The following CACNG8 variants were observed in gnomAD, a reference collection of about 807,000 sequenced individuals.
CACNG8 encodes voltage-dependent calcium channel gamma-8 subunit.
CACNG8 carries 5 observed loss-of-function variants against 26.9 expected under a neutral mutation model. The observed-to-expected ratio is 0.19, with a 90% CI of 0.10 to 0.39. The LOEUF (loss-of-function observed/expected upper bound fraction) is 0.39. CACNG8 is among the 10% of genes least tolerant of loss of function. The pLI, the probability that CACNG8 is intolerant of heterozygous loss-of-function variation, is 1.00. For synonymous variants in CACNG8, 321 were observed against 296.7 expected (o/e 1.08, Z -0.84); for missense variants, 473 against 609.4 (o/e 0.78, Z 2.36).
At chr19:53,970,008 C>T (rs1490247004) in intron 1 of CACNG8, among the ~76,000 whole-genome samples, 2 of 149,542 alleles carry the variant, frequency 1.3e-5, no homozygotes, top group Non-Finnish European at 3.0e-5. Flanking sequence ...GTGGCAAGCG[C>T]CTGTAACCCC....
rs574291162 is a variant in CACNG8, at chr19:53,965,424, G to A, written c.283+1999G>A. ...CCATTCCTCCCACGGCTCTCGTGAT[G>A]TTCTTTGCCTCTCCTGTGGAAGTTT... On this transcript the variant is annotated intron_variant, in intron 1 of 3. Coordinates refer to ENST00000270458, the MANE Select transcript of CACNG8 (RefSeq NM_031895.6). Among the ~76,000 whole-genome samples, 8 of 152,060 alleles carry A rather than the reference G, an allele frequency of 5.3e-5. No individual in the cohort carries two copies. The South Asian group carries it at 1.7e-3, about 32-fold the overall frequency.
At chr19:53,971,869 G>A (rs2069304245) in intron 1 of CACNG8, among the ~76,000 whole-genome samples, 1 of 152,184 alleles carries the variant, frequency 6.6e-6, no homozygotes, top group Non-Finnish European at 1.5e-5. Context: ...TGCATGCCCG[G>A]GTCTGCGCTA....
chr19:53,969,717 T>G (rs1347718896), intron 1 of CACNG8, among the ~76,000 whole-genome samples: 1 of 152,206 alleles, frequency 6.6e-6, no homozygotes, highest in Non-Finnish European at 1.5e-5. Context: ...ACCCTTGGGC[T>G]CAATCTCCAT....
At chr19:53,980,047 T>A (rs2069355094) in intron 3 of CACNG8, 40 bp downstream of exon 3, 1 of 1,562,060 alleles carries the variant, frequency 6.4e-7, no homozygotes, top group South Asian at 1.2e-5. Context: ...GCGGCCCACC[T>A]GGGCGCGCAC....
At position 53,982,762 on chromosome 19, in the gene CACNG8, GC is replaced by G; in HGVS notation, c.1194del (p.Ser399LeufsTer61). ...CCCCGCCCGCGCCCGCGCCACCCGC[GC>G]CCTCTGCGCCCGCCCCCGGGACCCT... On this transcript the variant is annotated frameshift_variant, in exon 4 of 4. Transcript: ENST00000270458. LOFTEE classifies it high-confidence loss of function. This position sits in a 1 kb window ranked among gnomAD's most constrained non-coding sequence, Gnocchi z 8.4. 8.0e-7 allele frequency: 1 copy of G among 1,244,990 alleles called. No homozygotes were observed. The highest frequency in any genetic ancestry group is 1.0e-6 in the Non-Finnish European group (1 of 995,390). The allele number at this position is 1,244,990 out of a possible 1,614,324, so 77.1% of individuals were successfully genotyped here.
intron 1 of CACNG8, among the ~76,000 whole-genome samples, chr19:53,972,363 T>TC (rs1555814926): frequency 1.4e-5 from 2 of 138,028 alleles, no homozygotes; most frequent in East Asian, 2.1e-4. Context: ...CTTCTTTTCT[T>TC]TTTTTTTTTT....
intron 1 of CACNG8, among the ~76,000 whole-genome samples, chr19:53,965,466 A>G (rs2069267129): frequency 6.7e-6 from 1 of 149,986 alleles, no homozygotes; most frequent in Admixed American, 6.7e-5. Flanking sequence ...ATGTCCATTC[A>G]CTGGTCTGAC....
chr19:53,975,266 T>C (rs2069324216), intron 1 of CACNG8, among the ~76,000 whole-genome samples: 1 of 152,180 alleles, frequency 6.6e-6, no homozygotes, highest in Non-Finnish European at 1.5e-5. Context: ...TTATTTTTAA[T>C]AGTAACCATA....
chr19:53,981,852 T>TAGACC (rs1381210285), intron 3 of CACNG8, among the ~76,000 whole-genome samples: 4 of 152,112 alleles, frequency 2.6e-5, no homozygotes, highest in Non-Finnish European at 5.9e-5. Flanking sequence ...GGTTGGAGCT[T>TAGACC]AGACCAGCAG....
chr19:53,965,333 G>T (rs956458909), intron 1 of CACNG8, among the ~76,000 whole-genome samples: 2 of 152,126 alleles, frequency 1.3e-5, no homozygotes, highest in Non-Finnish European at 2.9e-5. Flanking sequence ...CGATGGGCCG[G>T]ATCTGAGCAG....
chr19:53,984,428 T>C lies in CACNG8; in HGVS notation c.*1579T>C, dbSNP rs2069395194. The C allele has an allele frequency of 6.6e-6, 1 of 152,244 alleles. No individual in the cohort carries two copies. The highest frequency in any genetic ancestry group is 1.5e-5 in the Non-Finnish European group (1 of 68,068). The allele number at this position is 152,244 out of a possible 1,614,324, so 9.4% of individuals were successfully genotyped here. On this transcript the variant is annotated 3_prime_UTR_variant, in exon 4 of 4. Coordinates refer to ENST00000270458, the MANE Select transcript of CACNG8 (RefSeq NM_031895.6). The stretch of plus-strand genomic sequence containing the variant: ...GGAGTGAGCAGCACTTGGGGTAGGC[T>C]TCCTGGAGAATATGATGCCCATTCT...
chr19:53,963,804 C>CTTT (rs34483691), intron 1 of CACNG8, among the ~76,000 whole-genome samples: 157 of 128,152 alleles, frequency 1.2e-3, no homozygotes, highest in African/African-American at 4.0e-3. Context: ...TGCCTTTTCT[C>CTTT]TTTTTTTTTT....
chr19:53,963,084 C>A lies in CACNG8; in HGVS notation c.-59C>A. 1 of 1,202,100 alleles carries A rather than the reference C, an allele frequency of 8.3e-7. No homozygotes were observed. Among genetic ancestry groups the A allele is most frequent in the Non-Finnish European group, 1.1e-6 (1 of 927,832 alleles). 74.5% of individuals were successfully genotyped at this position (1,202,100 alleles called of 1,614,324 possible). On this transcript the variant is annotated 5_prime_UTR_variant, in exon 1 of 4. Transcript: ENST00000270458. Reference sequence around the variant, plus strand: ...GTGAACCCCCCCCCAGCCGCCGGCACGGCCCCGCCCCCGCTGCCCCGGTGG... The same window carrying A: ...GTGAACCCCCCCCCAGCCGCCGGCAAGGCCCCGCCCCCGCTGCCCCGGTGG...
rs1201113127 is a variant in CACNG8, at chr19:53,986,191, G to A, written c.*3342G>A. Reference sequence around the variant, plus strand: ...GAGATAGAGAGGGAGAGGTAAGCCGGAGACAGACTCAGAGATTCGCACAAA... The same window carrying A: ...GAGATAGAGAGGGAGAGGTAAGCCGAAGACAGACTCAGAGATTCGCACAAA... On this transcript the variant is annotated 3_prime_UTR_variant, in exon 4 of 4. Coordinates refer to ENST00000270458, the MANE Select transcript of CACNG8 (RefSeq NM_031895.6). The A allele has an allele frequency of 6.6e-6, 1 of 152,554 alleles. No individual in the cohort carries two copies. The highest frequency in any genetic ancestry group is 1.5e-5 in the Non-Finnish European group (1 of 68,078). The allele number at this position is 152,554 out of a possible 1,614,324, so 9.5% of individuals were successfully genotyped here.
intron 1 of CACNG8, among the ~76,000 whole-genome samples, chr19:53,973,045 T>A (rs2069311712): frequency 6.6e-6 from 1 of 152,188 alleles, no homozygotes; most frequent in South Asian, 2.1e-4. Context: ...CTGAGCAAGT[T>A]ATTAACCACC....
At chr19:53,980,169 T>C (rs993117486) in intron 3 of CACNG8, among the ~76,000 whole-genome samples, 162 bp downstream of exon 3, 35 of 151,868 alleles carry the variant, frequency 2.3e-4, no homozygotes, top group African/African-American at 8.5e-4. Context: ...CCCGGAGCCT[T>C]CCTAGGCGGT....
chr19:53,982,870 G>T lies in CACNG8; in HGVS notation c.*21G>T, dbSNP rs548103199. 0.014 allele frequency: 17,567 copies of T among 1,270,436 alleles called. 189 individuals are homozygous for T. Among genetic ancestry groups the T allele is most frequent in the Non-Finnish European group, 0.016 (15,712 of 1,007,508 alleles). The allele number at this position is 1,270,436 out of a possible 1,614,324, so 78.7% of individuals were successfully genotyped here. On this transcript the variant is annotated 3_prime_UTR_variant, in exon 4 of 4. Transcript: ENST00000270458. This position sits in a 1 kb window ranked among gnomAD's most constrained non-coding sequence, Gnocchi z 8.4. ...TGTAGGGGCGCGGCGGGGGAGCCGAGGGGCGTGTCCGGGGCGCGTGCGCGG... is the reference window on the plus strand; with the variant it reads ...TGTAGGGGCGCGGCGGGGGAGCCGATGGGCGTGTCCGGGGCGCGTGCGCGG...
At position 53,978,590 on chromosome 19, in the gene CACNG8, G is replaced by A. The variant is rs369692502; in HGVS notation, c.367+361G>A. ...GTGGGGCAATCTGCGGCGGTGACGG[G>A]CCACTACTGGGAGCCGGCTGGGAAA... On this transcript the variant is annotated intron_variant, in intron 2 of 3. Transcript: ENST00000270458. 2.0e-4 allele frequency among the ~76,000 whole-genome samples: 30 copies of A among 152,012 alleles called. No homozygotes were observed. The East Asian group carries it at 5.9e-3, about 30-fold the overall frequency.
Position 53,987,281 on chromosome 19 carries a change from G to T in CACNG8, c.*4432G>T, listed in dbSNP as rs1211634554. ...GACGGGATTTCACCGTGTTGGCCAG[G>T]CCAATCTGAAATTCCTGGCTTCAAA... is the stretch of plus-strand genomic sequence containing the variant. On this transcript the variant is annotated 3_prime_UTR_variant, in exon 4 of 4. Transcript: ENST00000270458. 1 of 152,152 alleles carries T rather than the reference G, an allele frequency of 6.6e-6. No homozygotes were observed. Among genetic ancestry groups the T allele is most frequent in the African/African-American group, 2.4e-5 (1 of 41,438 alleles). The allele number at this position is 152,152 out of a possible 1,614,324, so 9.4% of individuals were successfully genotyped here. A position where few individuals can be genotyped will look rare whatever the true frequency, so the allele number is the denominator to read the frequency against.
Sources: gnomAD v4.1 joint callset for allele counts (sites outside exome capture counted in the v4.1 genomes callset) on GRCh38, gnomAD v4.1.1 for gene constraint, Gnocchi (gnomAD v3.1) non-coding constraint, MANE v1.5 for transcripts, NCBI Gene and HGNC (gene_info 2026-07-23, HGNC 2026-07-21) for gene names.